FZD4: variants seen among roughly 807,000 people sequenced by gnomAD.
FZD4 encodes the protein frizzled class receptor 4.
FZD4 carries 16 observed loss-of-function variants against 37.3 expected under a neutral mutation model. That is an observed-to-expected ratio of 0.43 (90% confidence interval 0.29 to 0.65). The LOEUF is 0.65. FZD4 is among the 30% of genes least tolerant of loss of function. The pLI is 0.16. For missense variants in FZD4, 599 were observed against 674.3 expected (o/e 0.89, Z 1.24); for synonymous variants, 246 against 254.8 (o/e 0.97, Z 0.33).
rs1053099034 is a variant in FZD4, at chr11:86,955,315, G to C, written c.-230C>G. 2.4e-6 allele frequency: 1 copy of C among 409,508 alleles called. No individual in the cohort carries two copies. Among genetic ancestry groups the C allele is most frequent in the African/African-American group, 2.1e-5 (1 of 48,084 alleles). 25.4% of individuals were successfully genotyped at this position (409,508 alleles called of 1,614,324 possible). A position where few individuals can be genotyped will look rare whatever the true frequency, so the allele number is the denominator to read the frequency against. On this transcript the variant is annotated 5_prime_UTR_variant, in exon 1 of 2. Coordinates refer to ENST00000531380, the MANE Select transcript of FZD4 (RefSeq NM_012193.4). ...GGCTGCGAGGGTCATGGCTGCAGGC[G>C]GCGAGCCCACAAGCCGGCGCCGGCC... is the stretch of plus-strand genomic sequence containing the variant.
chr11:86,953,481 G>A (rs1277279110), intron 1 of FZD4, among the ~76,000 whole-genome samples: 1 of 152,078 alleles, frequency 6.6e-6, no homozygotes, highest in Non-Finnish European at 1.5e-5. Flanking sequence ...GCAGCAACAG[G>A]TCTAATCCCC....
chr11:86,947,942 C>T lies in FZD4; in HGVS notation c.*3200G>A, dbSNP rs1949257435. 1 of 152,242 alleles carries T rather than the reference C, an allele frequency of 6.6e-6. No individual in the cohort carries two copies. Among genetic ancestry groups the T allele is most frequent in the Admixed American group, 6.5e-5 (1 of 15,282 alleles). 9.4% of individuals were successfully genotyped at this position (152,242 alleles called of 1,614,324 possible). ...AAAACAACCCTCACCTTTTCTCTAGCAAGATGCTGTCCTCAAATATACCTA... is the reference window on the plus strand; with the variant it reads ...AAAACAACCCTCACCTTTTCTCTAGTAAGATGCTGTCCTCAAATATACCTA... On this transcript the variant is annotated 3_prime_UTR_variant, in exon 2 of 2. Coordinates refer to ENST00000531380, the MANE Select transcript of FZD4 (RefSeq NM_012193.4).
In FZD4 at chr11:86,951,957, T is replaced by C. The variant is rs1949296624; in HGVS notation, c.799A>G (p.Ile267Val). 1.2e-6 allele frequency: 2 copies of C among 1,614,030 alleles called. No homozygotes were observed. Among genetic ancestry groups the C allele is most frequent in the African/African-American group, 2.7e-5 (2 of 75,032 alleles). Residue 267 changes from isoleucine (I) to valine (V), a missense_variant, in exon 2 of 2, where the codon ATT (isoleucine) becomes GTT (valine). Coordinates refer to ENST00000531380, the MANE Select transcript of FZD4 (RefSeq NM_012193.4). ...ACAGTCAGCCTGACAATATAAGCAA[T>C]GCTATAAATATTATAGCACATACTG... is the stretch of plus-strand genomic sequence containing the variant. The part of the protein sequence containing the change: ...FLSMCYNIYS[I>V]AYIVRLTVGR...
intron 1 of FZD4, among the ~76,000 whole-genome samples, chr11:86,953,920 C>G (rs1949315717): frequency 6.6e-6 from 1 of 152,156 alleles, no homozygotes; most frequent in Admixed American, 6.5e-5. Flanking sequence ...CGGCCAGAAA[C>G]CAGATTTCTG....
chr11:86,953,854 A>G (rs1276107753), intron 1 of FZD4, among the ~76,000 whole-genome samples: 1 of 152,162 alleles, frequency 6.6e-6, no homozygotes, highest in Non-Finnish European at 1.5e-5. Context: ...TAACCTCGTG[A>G]GCCACCTGCC....
rs1424977247 is a variant in FZD4 at position 86,949,668 on chromosome 11, T to C, written c.*1474A>G. The C allele has an allele frequency of 6.6e-6, 1 of 152,668 alleles. No homozygotes were observed. Among genetic ancestry groups the C allele is most frequent in the African/African-American group, 2.4e-5 (1 of 41,454 alleles). 9.5% of individuals were successfully genotyped at this position (152,668 alleles called of 1,614,324 possible). On this transcript the variant is annotated 3_prime_UTR_variant, in exon 2 of 2. Coordinates refer to ENST00000531380, the MANE Select transcript of FZD4 (RefSeq NM_012193.4). ...TACCCCCTTGTGAAGAACGTATGCA[T>C]AAATTTTAAAAGCTTTGGATACCTC...
In FZD4 at chr11:86,952,218, C is replaced by G; in HGVS notation, c.538G>C (p.Glu180Gln). The G allele has an allele frequency of 6.2e-7, 1 of 1,614,084 alleles. No individual in the cohort carries two copies. The highest frequency in any genetic ancestry group is 8.5e-7 in the Non-Finnish European group (1 of 1,179,930). The change falls in exon 2 of 2, where the codon GAG (glutamate) becomes CAG (glutamine). Residue 180 changes from glutamate to glutamine, a missense_variant. Around this residue, in one of 3 missense-constraint regions of FZD4, gnomAD observed 357 missense variants for 396.1 expected, o/e 0.90. Transcript: ENST00000531380. Reference protein sequence around the residue: ...PHKTPIQPGEECHSVGTNSDQ... With the variant: ...PHKTPIQPGEQCHSVGTNSDQ... Reference sequence around the variant, plus strand: ...GAATTGGTTCCCACAGAGTGACACTCTTCCCCAGGCTGGATGGGGGTTTTG... The same window carrying G: ...GAATTGGTTCCCACAGAGTGACACTGTTCCCCAGGCTGGATGGGGGTTTTG...
At position 86,952,134 on chromosome 11, in the gene FZD4, C is replaced by T. The variant is rs767451434; in HGVS notation, c.622G>A (p.Ala208Thr). 6.2e-7 allele frequency: 1 copy of T among 1,613,164 alleles called. No homozygotes were observed. The highest frequency in any genetic ancestry group is 1.1e-5 in the South Asian group (1 of 91,004). Residue 208 changes from alanine to threonine, a missense_variant, in exon 2 of 2, where the codon GCT (alanine) becomes ACT (threonine). Around this residue, in one of 3 missense-constraint regions of FZD4, gnomAD observed 357 missense variants for 396.1 expected, o/e 0.90. Transcript: ENST00000531380. ...TTGGCTGAGCGGCTGTATAAGCCAG[C>T]ATCATAGCCACACTTGAGCACACAG... ...LNCVLKCGYD[A>T]GLYSRSAKEF...
Position 86,955,204 on chromosome 11 carries a change from G to A in FZD4, c.-119C>T. ...AGCTCCCGGGACGGGAGTGTGATGCGGCGACGAGGGGGCAGCGGCCGGCTC... is the reference window on the plus strand; with the variant it reads ...AGCTCCCGGGACGGGAGTGTGATGCAGCGACGAGGGGGCAGCGGCCGGCTC... On this transcript the variant is annotated 5_prime_UTR_variant, in exon 1 of 2. Transcript: ENST00000531380. 1 of 751,882 alleles carries A rather than the reference G, an allele frequency of 1.3e-6. No individual in the cohort carries two copies. Among genetic ancestry groups the A allele is most frequent in the Non-Finnish European group, 2.0e-6 (1 of 512,038 alleles). The allele number at this position is 751,882 out of a possible 1,614,324, so 46.6% of individuals were successfully genotyped here.
rs957483746 is a variant in FZD4 at position 86,947,936 on chromosome 11, C to T, written c.*3206G>A. 1 of 152,242 alleles carries T rather than the reference C, an allele frequency of 6.6e-6. No homozygotes were observed. The highest frequency in any genetic ancestry group is 2.4e-5 in the African/African-American group (1 of 41,456). 9.4% of individuals were successfully genotyped at this position (152,242 alleles called of 1,614,324 possible). On this transcript the variant is annotated 3_prime_UTR_variant, in exon 2 of 2. Transcript: ENST00000531380. ...GAAAGAAAAACAACCCTCACCTTTT[C>T]TCTAGCAAGATGCTGTCCTCAAATA...
At chr11:86,953,617 C>T (rs914347219) in intron 1 of FZD4, among the ~76,000 whole-genome samples, 1 of 151,774 alleles carries the variant, frequency 6.6e-6, no homozygotes, top group Non-Finnish European at 1.5e-5. Context: ...GATTTCTTTT[C>T]TTTTCTTTTT....
Position 86,952,046 on chromosome 11 carries a change from G to A in FZD4, c.710C>T (p.Thr237Ile), listed in dbSNP as rs778512862. 1 of 1,614,084 alleles carries A rather than the reference G, an allele frequency of 6.2e-7. No individual in the cohort carries two copies. Among genetic ancestry groups the A allele is most frequent in the Non-Finnish European group, 8.5e-7 (1 of 1,179,936 alleles). Residue 237 changes from threonine (T) to isoleucine (I), a missense_variant, in exon 2 of 2, where the codon ACA becomes ATA. Thr to Ile is a moderately conservative substitution (Grantham distance 89). Transcript: ENST00000531380. The stretch of plus-strand genomic sequence containing the variant: ...AGAATCGATCAGGAAGGTCAGTACT[G>A]TGAAGGCAGTGGAGATGAAACACAG... Reference protein sequence around the residue: ...ASLCFISTAFTVLTFLIDSSR... With the variant: ...ASLCFISTAFIVLTFLIDSSR...
rs776026462 is a variant in FZD4 at position 86,951,507 on chromosome 11, G to A, written c.1249C>T (p.Arg417Trp). The A allele has an allele frequency of 9.3e-6, 15 of 1,613,980 alleles. No individual in the cohort carries two copies. Among genetic ancestry groups the A allele is most frequent in the African/African-American group, 5.3e-5 (4 of 74,888 alleles). The change falls in exon 2 of 2, where the codon CGG (arginine) becomes TGG (tryptophan). Residue 417 changes from arginine (R) to tryptophan (W), a missense_variant. Physicochemically the swap from Arg to Trp is moderately radical, Grantham distance 101 (BLOSUM62 -3). Transcript: ENST00000531380. The stretch of plus-strand genomic sequence containing the variant: ...GTCCCATCCTTTTGAAGATTTGACC[G>A]AATTTTGAACAAGGCCACCAAACCT... ...AAGLVALFKIRSNLQKDGTKT... is the reference protein window; with the variant it reads ...AAGLVALFKIWSNLQKDGTKT...
Position 86,951,384 on chromosome 11 carries a change from C to T in FZD4, c.1372G>A (p.Glu458Lys). Residue 458 changes from glutamate (E) to lysine (K), a missense_variant, in exon 2 of 2, where the codon GAA becomes AAA. By Grantham distance (56) the Glu-to-Lys change is moderately conservative. This residue lies in a region of FZD4 where 203 missense variants were observed against 196.8 expected (regional missense o/e 1.03). Transcript: ENST00000531380. ...ATCVIACYFY[E>K]ISNWALFRYS... ...CGAAAAAGTGCCCAGTTGGAGATTT[C>T]ATAAAAATAACAGGCAATCACACAC... 1 of 1,614,052 alleles carries T rather than the reference C, an allele frequency of 6.2e-7. No individual in the cohort carries two copies. The highest frequency in any genetic ancestry group is 8.5e-7 in the Non-Finnish European group (1 of 1,179,906).
At chr11:86,954,740 A>G in intron 1 of FZD4, 61 bp downstream of exon 1, 1 of 1,535,402 alleles carries the variant, frequency 6.5e-7, no homozygotes. Context: ...GGCTCTGCAA[A>G]GTTAGTTTGG....
At position 86,950,249 on chromosome 11, in the gene FZD4, A is replaced by G. The variant is rs1465380504; in HGVS notation, c.*893T>C. 6.6e-6 allele frequency: 1 copy of G among 152,660 alleles called. No homozygotes were observed. Among genetic ancestry groups the G allele is most frequent in the Non-Finnish European group, 1.5e-5 (1 of 68,044 alleles). The allele number at this position is 152,660 out of a possible 1,614,324, so 9.5% of individuals were successfully genotyped here. A position where few individuals can be genotyped will look rare whatever the true frequency, so the allele number is the denominator to read the frequency against. On this transcript the variant is annotated 3_prime_UTR_variant, in exon 2 of 2. Transcript: ENST00000531380. ...ATATTAAGTCCCCACTGCTCAATGC[A>G]ATAGGTCTCTGGGGTCCGTCAGGTA...
Position 86,948,433 on chromosome 11 carries a change from G to C in FZD4, c.*2709C>G, listed in dbSNP as rs1949262406. ...TACCGATTTAAGAAGTGATGGAGTT[G>C]ATTGAAGGTCACTGGTAACTGACCC... is the stretch of plus-strand genomic sequence containing the variant. On this transcript the variant is annotated 3_prime_UTR_variant, in exon 2 of 2. Transcript: ENST00000531380. 1 of 152,128 alleles carries C rather than the reference G, an allele frequency of 6.6e-6. No individual in the cohort carries two copies. The highest frequency in any genetic ancestry group is 2.4e-5 in the African/African-American group (1 of 41,426). The allele number at this position is 152,128 out of a possible 1,614,324, so 9.4% of individuals were successfully genotyped here.
Position 86,952,165 on chromosome 11 carries a change from G to C in FZD4, c.591C>G (p.Ser197Arg). 6.2e-7 allele frequency: 1 copy of C among 1,612,166 alleles called. No homozygotes were observed. Among genetic ancestry groups the C allele is most frequent in the Non-Finnish European group, 8.5e-7 (1 of 1,178,556 alleles). ...NSDQYIWVKR[S>R]LNCVLKCGYD... ...AGCCACACTTGAGCACACAGTTCAG[G>C]CTCCTTTTCACCCAGATGTACTGAT... is the stretch of plus-strand genomic sequence containing the variant. The change falls in exon 2 of 2, where the codon AGC (serine) becomes AGG (arginine). Residue 197 changes from serine (S) to arginine (R), a missense_variant. Transcript: ENST00000531380.
chr11:86,952,588 C>A, intron 1 of FZD4, 118 bp from the exon 2 acceptor site: 2 of 1,097,836 alleles, frequency 1.8e-6, no homozygotes, highest in Non-Finnish European at 2.7e-6. Context: ...ACTTTTAAAC[C>A]AACCTATCGG....
Sources: allele counts gnomAD v4.1 joint callset (sites outside exome capture counted in the v4.1 genomes callset), GRCh38; gene constraint gnomAD v4.1.1; regional missense constraint gnomAD v4.1.1; transcripts MANE v1.5; gene names NCBI Gene and HGNC (gene_info 2026-07-23, HGNC 2026-07-21).